The following CDK19 variants were observed in gnomAD, a reference collection of about 807,000 sequenced individuals.
The protein encoded by CDK19 is cyclin dependent kinase 19.
In CDK19, 20 loss-of-function variants were observed where a neutral mutation model predicts 68.3. The observed-to-expected ratio is 0.29, with a 90% CI of 0.21 to 0.43. The LOEUF (loss-of-function observed/expected upper bound fraction) is 0.43, where lower values mean the gene tolerates loss of function less well. Ranked by LOEUF, CDK19 falls within the 20% of genes least tolerant of loss-of-function variation. CDK19 has a pLI of 1.00. For missense variants in CDK19, 339 were observed against 623.5 expected, an observed-to-expected ratio of 0.54 and a Z score of 4.86; for synonymous variants, 221 against 222.8, an observed-to-expected ratio of 0.99 and a Z score of 0.07.
intron 2 of CDK19, among the ~76,000 whole-genome samples, chr6:110,709,652 T>C (rs916966262): frequency 1.3e-5 from 2 of 152,144 alleles, no homozygotes; most frequent in Non-Finnish European, 1.5e-5. Flanking sequence ...TTCTTTGAGG[T>C]AGAAAGGAAA....
In CDK19 at chr6:110,638,691, G is replaced by T; in HGVS notation, c.472C>A (p.Leu158Ile). 1 of 1,540,860 alleles carries T rather than the reference G, an allele frequency of 6.5e-7. No homozygotes were observed. Residue 158 changes from leucine (L) to isoleucine (I), a missense_variant, in exon 5 of 13, where the codon CTA becomes ATA. By Grantham distance (5) the Leu-to-Ile change is conservative (BLOSUM62 2). This residue lies in a region of CDK19 where 120 missense variants were observed against 224.0 expected (regional missense o/e 0.54). Transcript: ENST00000368911. The stretch of plus-strand genomic sequence containing the variant: ...CTCTCAGGACCTTCTCCCATTACTA[G>T]GATATTTGCTGGTTTCTAGAAATAA... ...LHRDLKPANI[L>I]VMGEGPERGR... is the part of the protein sequence containing the mutation.
chr6:110,744,159 A>AC (rs1247475647), intron 2 of CDK19, among the ~76,000 whole-genome samples: 1 of 151,646 alleles, frequency 6.6e-6, no homozygotes, highest in East Asian at 1.9e-4. Flanking sequence ...GGCGCATGCC[A>AC]CCACACCCAG....
chr6:110,670,801 G>A (rs1770938831), intron 2 of CDK19: 2 of 563,976 alleles, frequency 3.5e-6, no homozygotes, highest in Non-Finnish European at 6.7e-6. Context: ...GTCAGAGACT[G>A]CAAGCAGGAA....
At chr6:110,752,591 CCTATT>C (rs1443959298) in intron 1 of CDK19, among the ~76,000 whole-genome samples, 2 of 152,174 alleles carry the variant, frequency 1.3e-5, no homozygotes, top group Non-Finnish European at 2.9e-5. Flanking sequence ...AAATATTTCA[CCTATT>C]CTATCTCTAA....
At chr6:110,643,465 G>A (rs760561752) in intron 4 of CDK19, among the ~76,000 whole-genome samples, 2 of 152,130 alleles carry the variant, frequency 1.3e-5, no homozygotes, top group Non-Finnish European at 2.9e-5. Context: ...GACAAACTTC[G>A]TATGTTCTCA....
intron 1 of CDK19, among the ~76,000 whole-genome samples, chr6:110,760,396 CAAAAA>C (rs34613571): frequency 5.0e-5 from 2 of 39,778 alleles, no homozygotes; most frequent in Admixed American, 3.5e-4. Context: ...GGCTTTGTCT[CAAAAA>C]AAAAAAAAAA....
chr6:110,678,266 C>T (rs1771699334), intron 2 of CDK19, among the ~76,000 whole-genome samples: 1 of 152,020 alleles, frequency 6.6e-6, no homozygotes, highest in Admixed American at 6.6e-5. Flanking sequence ...CACCCATATG[C>T]ATTAACTCCC....
chr6:110,721,314 A>G (rs887274231), intron 2 of CDK19, among the ~76,000 whole-genome samples: 1 of 152,168 alleles, frequency 6.6e-6, no homozygotes, highest in African/African-American at 2.4e-5. Context: ...AAAAAAGTCA[A>G]CAATTCTAGA....
At chr6:110,693,504 G>C (rs1377353161) in intron 2 of CDK19, among the ~76,000 whole-genome samples, 1 of 152,254 alleles carries the variant, frequency 6.6e-6, no homozygotes, top group Non-Finnish European at 1.5e-5. Flanking sequence ...TTATGCCCTG[G>C]GGTGAGAGTG....
chr6:110,741,097 A>G (rs1386134088), intron 2 of CDK19, among the ~76,000 whole-genome samples: 1 of 152,098 alleles, frequency 6.6e-6, no homozygotes. Flanking sequence ...GCCTATAAAC[A>G]TATGTATAAT....
chr6:110,733,799 T>C (rs948151320), intron 2 of CDK19, among the ~76,000 whole-genome samples: 1 of 152,134 alleles, frequency 6.6e-6, no homozygotes, highest in Admixed American at 6.5e-5. Context: ...ATTAACTTTT[T>C]CTGGTTTTTG....
chr6:110,733,555 C>T (rs1451099588), intron 2 of CDK19, among the ~76,000 whole-genome samples: 1 of 152,160 alleles, frequency 6.6e-6, no homozygotes, highest in African/African-American at 2.4e-5. Context: ...TATACCGTTT[C>T]ATGCTTCCAT....
chr6:110,644,615 T>C (rs10457220), intron 4 of CDK19, among the ~76,000 whole-genome samples: 7,546 of 152,254 alleles, frequency 0.05, 204 homozygotes, highest in Middle Eastern at 0.11. Flanking sequence ...TATCAAAATA[T>C]CTCATGTAAC....
At chr6:110,793,183 A>G (rs1287832721) in intron 1 of CDK19, among the ~76,000 whole-genome samples, 2 of 152,218 alleles carry the variant, frequency 1.3e-5, no homozygotes, top group African/African-American at 4.8e-5. Context: ...GGGAATAAAC[A>G]TTATTCAAAT....
chr6:110,643,769 C>T (rs574485377), intron 4 of CDK19, among the ~76,000 whole-genome samples: 14 of 152,030 alleles, frequency 9.2e-5, no homozygotes, highest in Admixed American at 5.2e-4. Context: ...AATAAAATAC[C>T]GCATTAAAGA....
chr6:110,646,709 C>T (rs1780611610), intron 4 of CDK19, among the ~76,000 whole-genome samples: 1 of 152,146 alleles, frequency 6.6e-6, no homozygotes, highest in African/African-American at 2.4e-5. Flanking sequence ...GTTCATCATC[C>T]CTATCGATGC....
chr6:110,628,094 C>G (rs1479495898), intron 6 of CDK19, among the ~76,000 whole-genome samples: 1 of 152,034 alleles, frequency 6.6e-6, no homozygotes, highest in East Asian at 1.9e-4. Context: ...GCCTGTAGTC[C>G]CAGCTACTGA....
chr6:110,692,252 C>A (rs1773060033), intron 2 of CDK19, among the ~76,000 whole-genome samples: 1 of 150,966 alleles, frequency 6.6e-6, no homozygotes, highest in African/African-American at 2.4e-5. Context: ...TGAGATCATG[C>A]CACTGCACTC....
Position 110,627,069 on chromosome 6 carries a change from T to C in CDK19, c.723A>G (p.Ile241Met). 1 of 1,613,104 alleles carries C rather than the reference T, an allele frequency of 6.2e-7. No individual in the cohort carries two copies. Among genetic ancestry groups the C allele is most frequent in the Non-Finnish European group, 8.5e-7 (1 of 1,179,302 alleles). The stretch of plus-strand genomic sequence containing the variant: ...CATGATGAAAGGGATTGCTTGTTTT[T>C]ATATCTTCCTGACGACAGTGAAAAA... The part of the protein sequence containing the change: ...EPIFHCRQED[I>M]KTSNPFHHDQ... The change falls in exon 7 of 13, where the codon ATA becomes ATG. Residue 241 changes from isoleucine (I) to methionine (M), a missense_variant. Physicochemically the swap from Ile to Met is conservative, Grantham distance 10. Coordinates refer to ENST00000368911, the MANE Select transcript of CDK19 (RefSeq NM_015076.5).
Sources: gnomAD v4.1 joint callset for allele counts (sites outside exome capture counted in the v4.1 genomes callset) on GRCh38, gnomAD v4.1.1 for gene constraint, gnomAD v4.1.1 regional missense constraint, MANE v1.5 for transcripts, NCBI Gene and HGNC (gene_info 2026-07-23, HGNC 2026-07-21) for gene names.